AK5: variants seen among roughly 807,000 people sequenced by gnomAD.
AK5 encodes adenylate kinase 5, also known as adenylate kinase isoenzyme 5.
A neutral mutation model predicts 69.5 loss-of-function variants in AK5; 27 were observed. The ratio of observed to expected loss-of-function variants is 0.39; its 90% CI spans 0.29 to 0.54. AK5 has a LOEUF of 0.54. AK5 is among the 20% of genes least tolerant of loss of function. AK5 has a pLI of 0.71. For synonymous variants in AK5, 260 were observed against 244.4 expected (o/e 1.06, Z -0.60); for missense variants, 531 against 700.4 (o/e 0.76, Z 2.73).
intron 10 of AK5, among the ~76,000 whole-genome samples, chr1:77,511,295 A>G (rs1362197223): frequency 3.3e-5 from 5 of 152,212 alleles, no homozygotes; most frequent in African/African-American, 7.2e-5. Flanking sequence ...AATAAATTTC[A>G]TCTGGACAAA....
intron 5 of AK5, among the ~76,000 whole-genome samples, chr1:77,319,734 A>C (rs913987194): frequency 2.0e-5 from 3 of 152,274 alleles, no homozygotes; most frequent in African/African-American, 7.2e-5. Context: ...TATCTTAAGT[A>C]ATTGCCAAAA....
chr1:77,291,699 AAGCAC>A (rs1266570188), intron 2 of AK5, among the ~76,000 whole-genome samples: 1 of 152,242 alleles, frequency 6.6e-6, no homozygotes, highest in Non-Finnish European at 1.5e-5. Flanking sequence ...ACCATCTGCC[AAGCAC>A]AGTTCTAGAT....
At chr1:77,366,780 T>G (rs1646957018) in intron 6 of AK5, among the ~76,000 whole-genome samples, 1 of 152,182 alleles carries the variant, frequency 6.6e-6, no homozygotes, top group Non-Finnish European at 1.5e-5. Context: ...ATCTCTACTC[T>G]TCAGTAAGGT....
At chr1:77,433,948 T>C (rs1308419573) in intron 8 of AK5, among the ~76,000 whole-genome samples, 1 of 151,462 alleles carries the variant, frequency 6.6e-6, no homozygotes, top group Non-Finnish European at 1.5e-5. Context: ...CTTAAAGTTA[T>C]TAGAAACTTA....
intron 8 of AK5, among the ~76,000 whole-genome samples, chr1:77,458,974 G>T (rs1475274932): frequency 6.6e-6 from 1 of 152,112 alleles, no homozygotes; most frequent in African/African-American, 2.4e-5. Context: ...CTGGTGTCTT[G>T]CCCAGGGAGC....
At chr1:77,375,997 T>G (rs1444538074) in intron 6 of AK5, among the ~76,000 whole-genome samples, 1 of 152,256 alleles carries the variant, frequency 6.6e-6, no homozygotes, top group African/African-American at 2.4e-5. Context: ...TATTGTAAAC[T>G]ATCAAGACCT....
intron 10 of AK5, among the ~76,000 whole-genome samples, chr1:77,491,140 G>A (rs1158048673): frequency 6.6e-6 from 1 of 151,882 alleles, no homozygotes; most frequent in Admixed American, 6.6e-5. Flanking sequence ...ATGTTAATTT[G>A]TGCATTTTTA....
chr1:77,473,023 C>T (rs1195723374), intron 8 of AK5, among the ~76,000 whole-genome samples: 1 of 152,124 alleles, frequency 6.6e-6, no homozygotes, highest in African/African-American at 2.4e-5. Context: ...GGATCCTTAA[C>T]TTATCCACAT....
chr1:77,370,974 C>G (rs530636793), intron 6 of AK5, among the ~76,000 whole-genome samples: 1 of 152,290 alleles, frequency 6.6e-6, no homozygotes, highest in East Asian at 1.9e-4. Flanking sequence ...TCTTTCTTAC[C>G]AGTTATGCTT....
chr1:77,421,899 T>C (rs1187508574), intron 8 of AK5, among the ~76,000 whole-genome samples: 2 of 152,196 alleles, frequency 1.3e-5, no homozygotes, highest in Non-Finnish European at 2.9e-5. Context: ...GTCACAGCCA[T>C]GGTTTTGACT....
intron 6 of AK5, among the ~76,000 whole-genome samples, chr1:77,390,305 T>C (rs923115634): frequency 1.3e-5 from 2 of 152,262 alleles, no homozygotes; most frequent in Non-Finnish European, 2.9e-5. Context: ...TAATTATTTA[T>C]AATTGCATTA....
Position 77,518,726 on chromosome 1 carries a change from C to T in AK5, c.1310C>T (p.Ser437Leu). ...ATGGAACGTGGAGACCTGGTGCCCT[C>T]AGTAAGCAACATGGCCTGACCCACA... The part of the protein sequence containing the change: ...DIMERGDLVP[S>L]GIVLELLKEA... Residue 437 changes from serine to leucine, a missense_variant and splice_region_variant, in exon 11 of 14, where the codon TCA becomes TTA. Transcript: ENST00000354567. 1.2e-6 allele frequency: 2 copies of T among 1,613,952 alleles called. No individual in the cohort carries two copies. Among genetic ancestry groups the T allele is most frequent in the Non-Finnish European group, 1.7e-6 (2 of 1,179,886 alleles).
intron 6 of AK5, among the ~76,000 whole-genome samples, chr1:77,341,102 T>C (rs1211443343): frequency 6.6e-6 from 1 of 152,242 alleles, no homozygotes; most frequent in Non-Finnish European, 1.5e-5. Flanking sequence ...ACCCTTCTGC[T>C]CCTTTGATAC....
intron 2 of AK5, among the ~76,000 whole-genome samples, chr1:77,293,298 A>C (rs1044646519): frequency 9.8e-5 from 15 of 152,306 alleles, no homozygotes; most frequent in African/African-American, 3.6e-4. Context: ...TGAAATACAC[A>C]ATATATAAGC....
At position 77,411,066 on chromosome 1, in the gene AK5, C is replaced by T; in HGVS notation, c.977C>T (p.Ala326Val). ...DNKLFPNKEAAAGSSDLDPSM... is the reference protein window; with the variant it reads ...DNKLFPNKEAVAGSSDLDPSM... The stretch of plus-strand genomic sequence containing the variant: ...AAGTTATTTCCAAACAAAGAGGCTG[C>T]AGCAGGTAAGTCACTGTGTCCTTTA... The change falls in exon 7 of 14, where the codon GCA becomes GTA. Residue 326 changes from alanine (A) to valine (V), a missense_variant. Coordinates refer to ENST00000354567, the MANE Select transcript of AK5 (RefSeq NM_174858.3). The T allele has an allele frequency of 6.2e-7, 1 of 1,613,010 alleles. No individual in the cohort carries two copies. Among genetic ancestry groups the T allele is most frequent in the Admixed American group, 1.7e-5 (1 of 59,932 alleles).
intron 13 of AK5, among the ~76,000 whole-genome samples, chr1:77,555,030 C>T (rs952585841): frequency 6.6e-6 from 1 of 152,104 alleles, no homozygotes; most frequent in African/African-American, 2.4e-5. Context: ...CCTGTAATCC[C>T]AGCACTTTGG....
intron 6 of AK5, among the ~76,000 whole-genome samples, chr1:77,355,344 G>A (rs1662455854): frequency 6.6e-6 from 1 of 152,188 alleles, no homozygotes; most frequent in Non-Finnish European, 1.5e-5. Flanking sequence ...AAAATCCCAT[G>A]GATAGGTAAT....
At chr1:77,496,845 A>G (rs964891059) in intron 10 of AK5, among the ~76,000 whole-genome samples, 5 of 152,168 alleles carry the variant, frequency 3.3e-5, no homozygotes, top group Non-Finnish European at 7.3e-5. Flanking sequence ...TGGACCAATC[A>G]GCACTCTGTA....
intron 8 of AK5, among the ~76,000 whole-genome samples, chr1:77,482,919 A>G (rs1216630079): frequency 1.4e-5 from 2 of 146,484 alleles, no homozygotes; most frequent in East Asian, 4.0e-4. Context: ...CACACCTACC[A>G]CTAAGCTTCT....
Sources: gnomAD v4.1 joint callset for allele counts (sites outside exome capture counted in the v4.1 genomes callset) on GRCh38, gnomAD v4.1.1 for gene constraint, MANE v1.5 for transcripts, NCBI Gene and HGNC (gene_info 2026-07-23, HGNC 2026-07-21) for gene names.